The following TLK1 variants were observed in gnomAD, a reference collection of about 807,000 sequenced individuals.
TLK1 encodes serine/threonine-protein kinase tousled-like 1.
TLK1 carries 24 observed loss-of-function variants against 105.3 expected under a neutral mutation model. The ratio of observed to expected loss-of-function variants is 0.23; its 90% CI spans 0.17 to 0.32. The LOEUF is 0.32. Ranked by LOEUF, TLK1 falls within the 10% of genes least tolerant of loss-of-function variation. TLK1 has a pLI of 1.00. For synonymous variants in TLK1, 321 were observed against 310.4 expected, an observed-to-expected ratio of 1.03 and a Z score of -0.36; for missense variants, 558 against 910.5, an observed-to-expected ratio of 0.61 and a Z score of 4.98.
intron 1 of TLK1, among the ~76,000 whole-genome samples, chr2:171,178,008 G>T (rs530836910): frequency 1.3e-5 from 2 of 152,130 alleles, no homozygotes; most frequent in South Asian, 4.2e-4. Context: ...TGGCCAGGCT[G>T]GTCCCCTGAG....
intron 1 of TLK1, among the ~76,000 whole-genome samples, chr2:171,191,506 G>A (rs1190421016): frequency 6.6e-6 from 1 of 152,100 alleles, no homozygotes; most frequent in African/African-American, 2.4e-5. Context: ...TTGCGCCCAG[G>A]AGTCTCTCTC....
At position 171,006,887 on chromosome 2, in the gene TLK1, T is replaced by C; in HGVS notation, c.1511A>G (p.His504Arg). ...RDEKKENYHK[H>R]ACREYRIHKE... ...GTGTATTCTATACTCTCTGCAGGCA[T>C]GTCTATGAGAAGACAGTGTATTAAT... Residue 504 changes from histidine to arginine, a missense_variant and splice_region_variant, in exon 16 of 21, where the codon CAT becomes CGT. Transcript: ENST00000431350. 6.2e-7 allele frequency: 1 copy of C among 1,612,188 alleles called. No homozygotes were observed. The highest frequency in any genetic ancestry group is 8.5e-7 in the Non-Finnish European group (1 of 1,178,890).
At chr2:171,071,258 G>A (rs1688240701) in intron 3 of TLK1, among the ~76,000 whole-genome samples, 1 of 151,390 alleles carries the variant, frequency 6.6e-6, no homozygotes, top group South Asian at 2.1e-4. Context: ...TCTTTGCTGT[G>A]CAGAAGCTTT....
chr2:171,171,404 C>T (rs1396129088), intron 1 of TLK1, among the ~76,000 whole-genome samples: 2 of 151,176 alleles, frequency 1.3e-5, no homozygotes, highest in Admixed American at 6.6e-5. Context: ...GTGGTATGCA[C>T]CTGTAGGTAG....
chr2:171,095,826 T>A (rs1689430070), intron 2 of TLK1, among the ~76,000 whole-genome samples: 1 of 151,986 alleles, frequency 6.6e-6, no homozygotes, highest in African/African-American at 2.4e-5. Context: ...CATCCTTTTG[T>A]GATTAAACTC....
At chr2:170,998,092 A>AT (rs753720290) in intron 18 of TLK1, among the ~76,000 whole-genome samples, 1,763 of 16,496 alleles carry the variant, frequency 0.11, 15 homozygotes, top group East Asian at 0.28. Flanking sequence ...CTATCTATCT[A>AT]CCTACCTACC....
At chr2:170,997,097 A>T (rs1684101839) in intron 19 of TLK1, among the ~76,000 whole-genome samples, 1 of 152,234 alleles carries the variant, frequency 6.6e-6, no homozygotes, top group African/African-American at 2.4e-5. Flanking sequence ...AGTAATGAAA[A>T]TGTCTATGAC....
chr2:171,218,815 T>C (rs1021566435), intron 1 of TLK1, among the ~76,000 whole-genome samples: 1 of 152,154 alleles, frequency 6.6e-6, no homozygotes, highest in African/African-American at 2.4e-5. Context: ...ACTAATCACC[T>C]CCTAAAGGCC....
chr2:171,113,482 A>G (rs904049588), intron 2 of TLK1, among the ~76,000 whole-genome samples: 1 of 152,154 alleles, frequency 6.6e-6, no homozygotes, highest in African/African-American at 2.4e-5. Flanking sequence ...CATGTTCACC[A>G]GGCTAGTCTT....
chr2:171,214,960 A>G (rs1459447088), intron 1 of TLK1, among the ~76,000 whole-genome samples: 1 of 150,284 alleles, frequency 6.7e-6, no homozygotes, highest in South Asian at 2.1e-4. Flanking sequence ...TTTTTTTTTG[A>G]GACGGGGCCT....
chr2:171,096,414 AAATT>A (rs1349856404), intron 2 of TLK1, among the ~76,000 whole-genome samples: 2 of 152,198 alleles, frequency 1.3e-5, no homozygotes, highest in Non-Finnish European at 2.9e-5. Flanking sequence ...TCTGAAAAAG[AAATT>A]AATAAAACAC....
intron 2 of TLK1, among the ~76,000 whole-genome samples, chr2:171,093,639 TA>T (rs1689333808): frequency 6.6e-6 from 1 of 151,570 alleles, no homozygotes; most frequent in African/African-American, 2.4e-5. Flanking sequence ...AACTTCAACT[TA>T]AAAACTATGT....
chr2:171,147,926 T>C (rs905993237), intron 1 of TLK1, among the ~76,000 whole-genome samples: 11 of 151,908 alleles, frequency 7.2e-5, no homozygotes, highest in Non-Finnish European at 1.3e-4. Flanking sequence ...AGTCTCACTC[T>C]GTCTCCCAGG....
intron 1 of TLK1, among the ~76,000 whole-genome samples, chr2:171,185,777 T>C (rs1177657571): frequency 1.3e-5 from 2 of 152,224 alleles, no homozygotes; most frequent in Admixed American, 6.5e-5. Flanking sequence ...TTACTTATCT[T>C]TCTGTCTTGC....
intron 2 of TLK1, among the ~76,000 whole-genome samples, chr2:171,097,222 T>C (rs1575593525): frequency 6.6e-6 from 1 of 152,056 alleles, no homozygotes; most frequent in Non-Finnish European, 1.5e-5. Flanking sequence ...GAACACACAA[T>C]GGGGAAAGGA....
At chr2:171,082,584 T>C (rs979921544) in intron 3 of TLK1, among the ~76,000 whole-genome samples, 197 bp downstream of exon 3, 1 of 152,218 alleles carries the variant, frequency 6.6e-6, no homozygotes. Context: ...ACCAAAGAAA[T>C]TATATTTTCT....
intron 20 of TLK1, among the ~76,000 whole-genome samples, chr2:170,995,863 G>A (rs749736867): frequency 3.9e-5 from 6 of 151,996 alleles, no homozygotes; most frequent in Admixed American, 6.6e-5. Flanking sequence ...CCCCTACACC[G>A]GGCTAATTTT....
At chr2:171,067,174 T>TC in intron 3 of TLK1, among the ~76,000 whole-genome samples, 1 of 151,800 alleles carries the variant, frequency 6.6e-6, no homozygotes, top group East Asian at 1.9e-4. Context: ...TTTTTTTTTT[T>TC]TCTGAGACAG....
intron 3 of TLK1, 117 bp from the exon 4 acceptor site, chr2:171,061,273 A>G (rs1247782873): frequency 5.2e-6 from 4 of 772,958 alleles, no homozygotes; most frequent in Non-Finnish European, 8.4e-6. Context: ...TGCTCAAGAG[A>G]TGTTAATATA....
Sources: allele counts gnomAD v4.1 joint callset (sites outside exome capture counted in the v4.1 genomes callset), GRCh38; gene constraint gnomAD v4.1.1; transcripts MANE v1.5; gene names NCBI Gene and HGNC (gene_info 2026-07-23, HGNC 2026-07-21).